The following MAGI1 variants were observed in gnomAD, a reference collection of about 807,000 sequenced individuals.
MAGI1 encodes the protein membrane-associated guanylate kinase, WW and PDZ domain-containing protein 1.
A neutral mutation model predicts 139.9 loss-of-function variants in MAGI1; 58 were observed. The observed-to-expected ratio is 0.41, with a 90% confidence interval of 0.34 to 0.52. MAGI1 has a LOEUF of 0.52. Ranked by LOEUF, MAGI1 falls within the 20% of genes least tolerant of loss-of-function variation. MAGI1 has a pLI of 0.12. For missense variants in MAGI1, 1,874 were observed against 1,901.6 expected (o/e 0.99, Z 0.27); for synonymous variants, 812 against 737.9 (o/e 1.10, Z -1.63).
chr3:65,755,701 G>A (rs915829332), intron 1 of MAGI1, among the ~76,000 whole-genome samples: 2 of 152,072 alleles, frequency 1.3e-5, no homozygotes, highest in Non-Finnish European at 2.9e-5. Context: ...TTTCTCATGT[G>A]AATAATGAAA....
chr3:65,714,957 C>T (rs1181427830), intron 1 of MAGI1, among the ~76,000 whole-genome samples: 1 of 151,656 alleles, frequency 6.6e-6, no homozygotes, highest in Admixed American at 6.6e-5. Context: ...GCAGGGACCA[C>T]AGACACAGGT....
intron 1 of MAGI1, among the ~76,000 whole-genome samples, chr3:65,984,920 G>T (rs1328195054): frequency 6.6e-6 from 1 of 152,052 alleles, no homozygotes; most frequent in Non-Finnish European, 1.5e-5. Flanking sequence ...TTTCTTTGTA[G>T]ATGAAGCAAC....
At chr3:65,502,297 C>A (rs2077112452) in intron 2 of MAGI1, among the ~76,000 whole-genome samples, 1 of 152,168 alleles carries the variant, frequency 6.6e-6, no homozygotes. Flanking sequence ...AGGCTCTGAG[C>A]CCGAGGTCTG....
chr3:65,465,629 C>T (rs904542982), intron 5 of MAGI1, among the ~76,000 whole-genome samples: 1 of 152,092 alleles, frequency 6.6e-6, no homozygotes, highest in South Asian at 2.1e-4. Context: ...CACTAACATA[C>T]ATAGGGTGTC....
chr3:65,829,443 G>A (rs969838885), intron 1 of MAGI1, among the ~76,000 whole-genome samples: 1 of 152,106 alleles, frequency 6.6e-6, no homozygotes, highest in African/African-American at 2.4e-5. Context: ...CTCTTCTAAA[G>A]AGGCTCAAGG....
chr3:65,535,976 C>T (rs2078941981), intron 2 of MAGI1, among the ~76,000 whole-genome samples: 1 of 152,188 alleles, frequency 6.6e-6, no homozygotes, highest in South Asian at 2.1e-4. Context: ...GAGGTGCTCA[C>T]ACCATGAGGG....
intron 6 of MAGI1, among the ~76,000 whole-genome samples, chr3:65,448,445 T>A (rs1412107164): frequency 2.0e-5 from 3 of 152,154 alleles, no homozygotes; most frequent in Non-Finnish European, 4.4e-5. Flanking sequence ...CCTTCAATAA[T>A]CCTCTAATCA....
chr3:65,865,645 T>C (rs72909448), intron 1 of MAGI1, among the ~76,000 whole-genome samples: 70 of 152,272 alleles, frequency 4.6e-4, no homozygotes, highest in African/African-American at 1.6e-3. Context: ...TTTTGTTTTG[T>C]TTTGTTTTGT....
At chr3:65,402,836 G>A (rs1027430346) in intron 12 of MAGI1, among the ~76,000 whole-genome samples, 2 of 152,130 alleles carry the variant, frequency 1.3e-5, no homozygotes, top group African/African-American at 2.4e-5. Context: ...TCTCTGGCAA[G>A]GTTCCTTGCA....
intron 1 of MAGI1, among the ~76,000 whole-genome samples, chr3:65,777,419 T>C (rs184577715): frequency 1.3e-5 from 2 of 152,294 alleles, no homozygotes; most frequent in East Asian, 1.9e-4. Flanking sequence ...ATCAGGTTCA[T>C]TATCACCATT....
chr3:65,795,230 C>A (rs1424052887), intron 1 of MAGI1, among the ~76,000 whole-genome samples: 2 of 152,144 alleles, frequency 1.3e-5, no homozygotes, highest in Admixed American at 6.5e-5. Context: ...ATATGAAATA[C>A]ACAAATGTTC....
intron 1 of MAGI1, among the ~76,000 whole-genome samples, chr3:65,865,581 G>A (rs1465138805): frequency 6.6e-6 from 1 of 152,218 alleles, no homozygotes; most frequent in Non-Finnish European, 1.5e-5. Context: ...GGGTGACAGA[G>A]TGAGATCCTG....
At chr3:65,469,234 A>T (rs141779390) in intron 5 of MAGI1, among the ~76,000 whole-genome samples, 1 of 152,250 alleles carries the variant, frequency 6.6e-6, no homozygotes, top group African/African-American at 2.4e-5. Context: ...GTTTTCTGCA[A>T]TGTCCTCCCC....
intron 1 of MAGI1, among the ~76,000 whole-genome samples, chr3:65,815,801 ACCAGTGT>A (rs2041564629): frequency 6.6e-6 from 1 of 152,136 alleles, no homozygotes; most frequent in African/African-American, 2.4e-5. Context: ...CAAGGCAGGT[ACCAGTGT>A]CCACATTTTA....
chr3:65,814,284 A>G (rs2041465383), intron 1 of MAGI1, among the ~76,000 whole-genome samples: 1 of 152,180 alleles, frequency 6.6e-6, no homozygotes, highest in South Asian at 2.1e-4. Context: ...CTAAGGTGGT[A>G]GTAAAAATTA....
chr3:65,395,618 C>A (rs1944317666), intron 13 of MAGI1, among the ~76,000 whole-genome samples: 1 of 45,046 alleles, frequency 2.2e-5, no homozygotes, highest in Non-Finnish European at 5.0e-5. Context: ...GCCTGGGTGA[C>A]AGAGCGAGAC....
intron 2 of MAGI1, among the ~76,000 whole-genome samples, chr3:65,554,405 T>C (rs78371954): frequency 7.6e-4 from 116 of 152,198 alleles, no homozygotes; most frequent in African/African-American, 2.8e-3. Flanking sequence ...AATCCAACAA[T>C]AAAAAGTCTG....
intron 1 of MAGI1, among the ~76,000 whole-genome samples, chr3:66,036,622 G>A (rs1391619024): frequency 6.6e-6 from 1 of 152,188 alleles, no homozygotes; most frequent in Admixed American, 6.5e-5. Context: ...TCCCAAAGCT[G>A]CTAAAAGGCC....
At chr3:65,933,737 C>T (rs535137864) in intron 1 of MAGI1, among the ~76,000 whole-genome samples, 4 of 152,136 alleles carry the variant, frequency 2.6e-5, no homozygotes, top group East Asian at 1.9e-4. Context: ...ATATAGTATT[C>T]GGAGTAAAAG....
Sources: allele counts gnomAD v4.1 joint callset (sites outside exome capture counted in the v4.1 genomes callset), GRCh38; gene constraint gnomAD v4.1.1; transcripts MANE v1.5; gene names NCBI Gene and HGNC (gene_info 2026-07-23, HGNC 2026-07-21).